PDE3A: variants seen among roughly 807,000 people sequenced by gnomAD.
PDE3A encodes cGMP-inhibited 3',5'-cyclic phosphodiesterase 3A.
Under a neutral mutation model 98.3 loss-of-function variants are expected in PDE3A, and 43 were observed. The observed-to-expected ratio is 0.44, with a 90% CI of 0.34 to 0.56. The LOEUF is 0.56. PDE3A is among the 20% of genes least tolerant of loss of function. PDE3A has a pLI of 0.01. For synonymous variants in PDE3A, 663 were observed against 567.9 expected, an observed-to-expected ratio of 1.17 and a Z score of -2.38; for missense variants, 1,427 against 1,440.7, an observed-to-expected ratio of 0.99 and a Z score of 0.15.
At chr12:20,563,695 T>C (rs1305868262) in intron 2 of PDE3A, among the ~76,000 whole-genome samples, 1 of 152,100 alleles carries the variant, frequency 6.6e-6, no homozygotes, top group African/African-American at 2.4e-5. Context: ...GAGAAATTTG[T>C]TTAAATTTTG....
At chr12:20,675,601 C>T (rs1465486698) in intron 15 of PDE3A, among the ~76,000 whole-genome samples, 1 of 152,194 alleles carries the variant, frequency 6.6e-6, no homozygotes, top group Non-Finnish European at 1.5e-5. Flanking sequence ...TACTGCTTCT[C>T]AGCCTTTTGG....
chr12:20,497,867 T>A (rs955637470), intron 1 of PDE3A, among the ~76,000 whole-genome samples: 3 of 152,232 alleles, frequency 2.0e-5, no homozygotes, highest in Non-Finnish European at 2.9e-5. Context: ...TTCAATTGTG[T>A]TAGTATACTT....
chr12:20,666,460 G>A (rs1254172061), intron 15 of PDE3A, among the ~76,000 whole-genome samples: 3 of 152,054 alleles, frequency 2.0e-5, no homozygotes, highest in East Asian at 3.9e-4. Context: ...AGCTTCTGAT[G>A]TCTGTCATTC....
intron 1 of PDE3A, among the ~76,000 whole-genome samples, chr12:20,514,919 T>A (rs143344997): frequency 0.021 from 3,145 of 152,308 alleles, 65 homozygotes; most frequent in Middle Eastern, 0.13. Flanking sequence ...GGGTAACTTA[T>A]AAAGAACAGA....
chr12:20,673,366 C>G (rs369035518), intron 15 of PDE3A, among the ~76,000 whole-genome samples: 1 of 146,496 alleles, frequency 6.8e-6, no homozygotes, highest in Non-Finnish European at 1.5e-5. Context: ...ACCCAAAGGA[C>G]TATAAATCAT....
chr12:20,557,229 C>G (rs1942391684), intron 2 of PDE3A: 1 of 155,468 alleles, frequency 6.4e-6, no homozygotes, highest in Non-Finnish European at 1.4e-5. Flanking sequence ...AGAGTGTTTT[C>G]ATTGTCTTGC....
intron 1 of PDE3A, among the ~76,000 whole-genome samples, chr12:20,379,877 T>G (rs544746769): frequency 5.3e-5 from 8 of 151,816 alleles, no homozygotes; most frequent in Non-Finnish European, 8.8e-5. Context: ...ATGTTCAGCA[T>G]GAGTCCTAGA....
Position 20,373,205 on chromosome 12 carries a change from C to T in PDE3A, c.960+2961C>T, listed in dbSNP as rs527265290. Among the ~76,000 whole-genome samples the T allele has an allele frequency of 2.4e-4, 36 of 152,132 alleles. No individual in the cohort carries two copies. In the South Asian group the frequency reaches 6.7e-3, roughly 28 times the overall value. ...TTTAGTCCTGACAACCCAGTGTCCGCAATACTGAGGCTGATTTTGTAGATG... is the reference window on the plus strand; with the variant it reads ...TTTAGTCCTGACAACCCAGTGTCCGTAATACTGAGGCTGATTTTGTAGATG... On this transcript the variant is annotated intron_variant, in intron 1 of 15. Coordinates refer to ENST00000359062, the MANE Select transcript of PDE3A (RefSeq NM_000921.5).
intron 1 of PDE3A, among the ~76,000 whole-genome samples, chr12:20,422,217 G>T (rs1258314205): frequency 6.6e-6 from 1 of 151,952 alleles, no homozygotes; most frequent in Non-Finnish European, 1.5e-5. Context: ...ATGGTGGCGG[G>T]CACCTGTAGT....
chr12:20,685,929 T>C lies in PDE3A; in HGVS notation c.*5658T>C, dbSNP rs1202270042. Among the ~76,000 whole-genome samples the C allele has an allele frequency of 6.6e-6, 1 of 152,144 alleles. No homozygotes were observed. The highest frequency in any genetic ancestry group is 2.4e-5 in the African/African-American group (1 of 41,440). On this transcript the variant is annotated 3_prime_UTR_variant, in exon 16 of 16. Coordinates refer to ENST00000359062, the MANE Select transcript of PDE3A (RefSeq NM_000921.5). ...CACCATAGGTAAGTATTCTCAAGAA[T>C]GTTTAAATTTGGTTTATTTTCTTGA...
chr12:20,493,740 A>G (rs1211979016), intron 1 of PDE3A, among the ~76,000 whole-genome samples: 2 of 152,008 alleles, frequency 1.3e-5, no homozygotes, highest in Non-Finnish European at 2.9e-5. Context: ...AAGCAATTCT[A>G]CTGCCTCAGC....
chr12:20,661,879 GCAGTGCC>G (rs1945178627), intron 15 of PDE3A, among the ~76,000 whole-genome samples: 1 of 103,124 alleles, frequency 9.7e-6, no homozygotes, highest in African/African-American at 2.9e-5. Context: ...TACTACTGGG[GCAGTGCC>G]TAATGGAACT....
intron 1 of PDE3A, among the ~76,000 whole-genome samples, chr12:20,451,157 A>T (rs1945057414): frequency 6.6e-6 from 1 of 152,252 alleles, no homozygotes; most frequent in Non-Finnish European, 1.5e-5. Context: ...GACAGAAGTC[A>T]TAGTAAAGTG....
rs922142373 is a variant in PDE3A, at chr12:20,685,246, T to C, written c.*4975T>C. 6.6e-6 allele frequency among the ~76,000 whole-genome samples: 1 copy of C among 151,530 alleles called. No individual in the cohort carries two copies. The highest frequency in any genetic ancestry group is 2.4e-5 in the African/African-American group (1 of 41,230). The stretch of plus-strand genomic sequence containing the variant: ...TGACCAACACGGAGAAACCCCGTCT[T>C]TACTAAAAATACAAAATGATTCAGG... On this transcript the variant is annotated 3_prime_UTR_variant, in exon 16 of 16. Coordinates refer to ENST00000359062, the MANE Select transcript of PDE3A (RefSeq NM_000921.5).
In PDE3A at chr12:20,680,019, A is replaced by T. The variant is rs924338217; in HGVS notation, c.3185-11A>T. The T allele has an allele frequency of 1.3e-6, 2 of 1,576,820 alleles. No individual in the cohort carries two copies. Among genetic ancestry groups the T allele is most frequent in the Non-Finnish European group, 1.7e-6 (2 of 1,155,596 alleles). On this transcript the variant is annotated splice_polypyrimidine_tract_variant and intron_variant, in intron 15 of 15. Coordinates refer to ENST00000359062, the MANE Select transcript of PDE3A (RefSeq NM_000921.5). ...AGTCTGATTTGGTGTTTTTTATTTTATTTATTTTAGAAAAGAAGACTTTCA... is the reference window on the plus strand; with the variant it reads ...AGTCTGATTTGGTGTTTTTTATTTTTTTTATTTTAGAAAAGAAGACTTTCA...
intron 15 of PDE3A, among the ~76,000 whole-genome samples, chr12:20,672,347 C>A (rs1223508465): frequency 4.7e-5 from 6 of 126,520 alleles, no homozygotes; most frequent in Non-Finnish European, 6.7e-5. Flanking sequence ...GAAAAAACTA[C>A]TTTAAAGTTC....
chr12:20,553,165 A>C (rs1402409553), intron 1 of PDE3A, among the ~76,000 whole-genome samples: 1 of 134,048 alleles, frequency 7.5e-6, no homozygotes, highest in Non-Finnish European at 1.6e-5. Flanking sequence ...TTTTATTTTT[A>C]TTTTTCAAAT....
chr12:20,487,850 C>A (rs1945758471), intron 1 of PDE3A, among the ~76,000 whole-genome samples: 1 of 152,042 alleles, frequency 6.6e-6, no homozygotes, highest in Non-Finnish European at 1.5e-5. Context: ...ATGAGCTAGT[C>A]AGGGAACCTA....
chr12:20,589,371 T>A (rs1381212299), intron 2 of PDE3A, among the ~76,000 whole-genome samples: 1 of 152,224 alleles, frequency 6.6e-6, no homozygotes, highest in African/African-American at 2.4e-5. Context: ...AATTATATTG[T>A]TCATGGTAAG....
Sources: allele counts gnomAD v4.1 joint callset (sites outside exome capture counted in the v4.1 genomes callset), GRCh38; gene constraint gnomAD v4.1.1; transcripts MANE v1.5; gene names NCBI Gene and HGNC (gene_info 2026-07-23, HGNC 2026-07-21).